The following MLLT3 variants were observed in gnomAD, a reference collection of about 807,000 sequenced individuals.
MLLT3 encodes MLLT3 super elongation complex subunit.
A neutral mutation model predicts 53.2 loss-of-function variants in MLLT3; 4 were observed. That is an observed-to-expected ratio of 0.08 (90% CI 0.04 to 0.17). MLLT3 has a LOEUF of 0.17. Among genes scored for constraint, MLLT3 ranks in the 10% least tolerant of loss-of-function variants. The pLI, the probability that MLLT3 is intolerant of heterozygous loss-of-function variation, is 1.00. For missense variants in MLLT3, 569 were observed against 684.0 expected (o/e 0.83, Z 1.87); for synonymous variants, 283 against 230.6 (o/e 1.23, Z -2.06).
At chr9:20,432,660 T>G (rs1415168199) in intron 4 of MLLT3, among the ~76,000 whole-genome samples, 1 of 152,128 alleles carries the variant, frequency 6.6e-6, no homozygotes, top group Non-Finnish European at 1.5e-5. Flanking sequence ...AATCGCTTTT[T>G]TTTTCAGTCT....
At chr9:20,426,167 G>T (rs1823135284) in intron 4 of MLLT3, among the ~76,000 whole-genome samples, 1 of 152,028 alleles carries the variant, frequency 6.6e-6, no homozygotes, top group Non-Finnish European at 1.5e-5. Flanking sequence ...ACTACTGACT[G>T]TAAGTTATAT....
intron 5 of MLLT3, among the ~76,000 whole-genome samples, chr9:20,370,304 T>C (rs1170299680): frequency 6.6e-6 from 1 of 152,180 alleles, no homozygotes; most frequent in East Asian, 1.9e-4. Flanking sequence ...ACTATTGTAA[T>C]TGCTTTGGGG....
At chr9:20,450,931 T>A (rs1416635201) in intron 3 of MLLT3, among the ~76,000 whole-genome samples, 1 of 152,190 alleles carries the variant, frequency 6.6e-6, no homozygotes, top group Non-Finnish European at 1.5e-5. Context: ...TCTATCAACA[T>A]ACCAAATATA....
rs1820806398 is a variant in MLLT3 at position 20,344,093 on chromosome 9, G to A, written c.*2350C>T. ...ACAAACTTACATTTTAGGATATTCT[G>A]AAGAAATTAACTTTATTACCTAATT... On this transcript the variant is annotated 3_prime_UTR_variant, in exon 11 of 11. Coordinates refer to ENST00000380338, the MANE Select transcript of MLLT3 (RefSeq NM_004529.4). 5.1e-6 allele frequency: 1 copy of A among 197,398 alleles called. No individual in the cohort carries two copies. The highest frequency in any genetic ancestry group is 2.3e-5 in the African/African-American group (1 of 43,438). The allele number at this position is 197,398 out of a possible 1,614,324, so 12.2% of individuals were successfully genotyped here.
chr9:20,606,520 T>C (rs1476326108), intron 2 of MLLT3, among the ~76,000 whole-genome samples: 1 of 152,154 alleles, frequency 6.6e-6, no homozygotes, highest in Non-Finnish European at 1.5e-5. Flanking sequence ...TACAAAGTAC[T>C]TTTATTTGAA....
chr9:20,605,348 G>T (rs1241226295), intron 2 of MLLT3, among the ~76,000 whole-genome samples: 1 of 151,878 alleles, frequency 6.6e-6, no homozygotes, highest in African/African-American at 2.4e-5. Context: ...TGGAAAACAG[G>T]TATTTCAGAC....
chr9:20,515,939 G>T (rs1452339618), intron 2 of MLLT3, among the ~76,000 whole-genome samples: 1 of 152,178 alleles, frequency 6.6e-6, no homozygotes, highest in Non-Finnish European at 1.5e-5. Context: ...ACATCTATTT[G>T]CTTTTATACA....
At chr9:20,490,359 A>G (rs1824917233) in intron 2 of MLLT3, among the ~76,000 whole-genome samples, 1 of 152,258 alleles carries the variant, frequency 6.6e-6, no homozygotes, top group Non-Finnish European at 1.5e-5. Context: ...GGCGTACAAG[A>G]GAGAAGTCAG....
At chr9:20,348,565 C>T (rs543748310) in intron 10 of MLLT3, among the ~76,000 whole-genome samples, 6 of 152,292 alleles carry the variant, frequency 3.9e-5, no homozygotes, top group East Asian at 3.9e-4. Flanking sequence ...ATCTCGACCA[C>T]GGATTACTTA....
chr9:20,387,254 T>G (rs1289162234), intron 5 of MLLT3, among the ~76,000 whole-genome samples: 3 of 152,214 alleles, frequency 2.0e-5, no homozygotes, highest in Non-Finnish European at 4.4e-5. Context: ...ATGGCTGTGT[T>G]CAATAAAACT....
intron 2 of MLLT3, among the ~76,000 whole-genome samples, chr9:20,591,200 T>C (rs1247654971): frequency 1.3e-5 from 2 of 152,166 alleles, no homozygotes; most frequent in Non-Finnish European, 2.9e-5. Flanking sequence ...ATTTAGTATG[T>C]TTTTTTCTAG....
At chr9:20,492,379 G>A (rs1824969649) in intron 2 of MLLT3, among the ~76,000 whole-genome samples, 1 of 151,880 alleles carries the variant, frequency 6.6e-6, no homozygotes, top group African/African-American at 2.4e-5. Context: ...CTAGTTCTTA[G>A]GTTGGATGGT....
At chr9:20,474,211 A>C (rs1326252616) in intron 2 of MLLT3, among the ~76,000 whole-genome samples, 1 of 152,136 alleles carries the variant, frequency 6.6e-6, no homozygotes, top group Non-Finnish European at 1.5e-5. Flanking sequence ...AAGATTCTTC[A>C]GTAATTTTGG....
intron 2 of MLLT3, among the ~76,000 whole-genome samples, chr9:20,603,137 T>C (rs1820475256): frequency 6.6e-6 from 1 of 152,100 alleles, no homozygotes; most frequent in African/African-American, 2.4e-5. Flanking sequence ...TTTTGAAACA[T>C]TAATCCAGAT....
chr9:20,515,283 T>C lies in MLLT3; in HGVS notation c.194-58497A>G, dbSNP rs866706364. Reference sequence around the variant, plus strand: ...TTTTAGGCAATGCTCCAATTGTTTATAATAAATGTAACGATGTCACTACTT... The same window carrying C: ...TTTTAGGCAATGCTCCAATTGTTTACAATAAATGTAACGATGTCACTACTT... On this transcript the variant is annotated intron_variant, in intron 2 of 10. Transcript: ENST00000380338. Among the ~76,000 whole-genome samples the C allele has an allele frequency of 3.5e-4, 53 of 152,254 alleles. No individual in the cohort carries two copies. In the Middle Eastern group the frequency reaches 0.01, roughly 29 times the overall value.
intron 2 of MLLT3, among the ~76,000 whole-genome samples, chr9:20,468,211 G>A (rs1824283908): frequency 1.3e-5 from 2 of 152,188 alleles, no homozygotes; most frequent in Admixed American, 1.3e-4. Flanking sequence ...TCTAATAGTA[G>A]TCAAATGCAA....
At chr9:20,504,350 TTGTGTGTGTG>T (rs71334530) in intron 2 of MLLT3, among the ~76,000 whole-genome samples, 1 of 148,980 alleles carries the variant, frequency 6.7e-6, no homozygotes, top group Non-Finnish European at 1.5e-5. Flanking sequence ...CCCAATGGAA[TTGTGTGTGTG>T]TGTGTGTGTG....
chr9:20,356,869 C>T (rs892493152), intron 8 of MLLT3, among the ~76,000 whole-genome samples: 4 of 152,198 alleles, frequency 2.6e-5, no homozygotes, highest in Admixed American at 2.6e-4. Context: ...TCTGAAGTTG[C>T]AGTGGCAGGA....
Position 20,605,459 on chromosome 9 carries a change from A to G in MLLT3, c.193+15195T>C, listed in dbSNP as rs1820539073. Reference sequence around the variant, plus strand: ...AAGTAATTTAAATAAGTGACCCAACAAAGTTATGCTTATTAGTCTAGTTAA... The same window carrying G: ...AAGTAATTTAAATAAGTGACCCAACGAAGTTATGCTTATTAGTCTAGTTAA... On this transcript the variant is annotated intron_variant, in intron 2 of 10. Transcript: ENST00000380338. Among the ~76,000 whole-genome samples, 6 of 152,070 alleles carry G rather than the reference A, an allele frequency of 3.9e-5. No homozygotes were observed. The South Asian group carries it at 6.2e-4, about 16-fold the overall frequency.
Sources: gnomAD v4.1 joint callset for allele counts (sites outside exome capture counted in the v4.1 genomes callset) on GRCh38, gnomAD v4.1.1 for gene constraint, MANE v1.5 for transcripts, NCBI Gene and HGNC (gene_info 2026-07-23, HGNC 2026-07-21) for gene names.